TMEFF1: variants seen among roughly 807,000 people sequenced by gnomAD.
TMEFF1 encodes the protein transmembrane protein with EGF like and two follistatin like domains 1, also known as tomoregulin-1.
In TMEFF1, 20 loss-of-function variants were observed where a neutral mutation model predicts 47.5. That is an observed-to-expected ratio of 0.42 (90% confidence interval 0.30 to 0.61). The LOEUF is 0.61. Ranked by LOEUF, TMEFF1 falls within the 20% of genes least tolerant of loss-of-function variation. TMEFF1 has a pLI of 0.19. For missense variants in TMEFF1, 411 were observed against 471.1 expected (o/e 0.87, Z 1.18); for synonymous variants, 162 against 166.3 (o/e 0.97, Z 0.20).
At position 100,473,340 on chromosome 9, in the gene TMEFF1, G is replaced by A. The variant is rs564804329; in HGVS notation, c.-205G>A. The A allele has an allele frequency of 4.1e-6, 1 of 246,180 alleles. No homozygotes were observed. Among genetic ancestry groups the A allele is most frequent in the Non-Finnish European group, 7.3e-6 (1 of 136,934 alleles). 15.2% of individuals were successfully genotyped at this position (246,180 alleles called of 1,614,324 possible). A position where few individuals can be genotyped will look rare whatever the true frequency, so the allele number is the denominator to read the frequency against. On this transcript the variant is annotated 5_prime_UTR_variant, in exon 1 of 10. Transcript: ENST00000374879. The surrounding 1 kb of genome is among the most constrained non-coding windows in gnomAD (Gnocchi z 5.4). ...TTGCGCGCCCGCGACCCTCGCACGC[G>A]CCCGGACCCGCCGACTCCGTCCCGA... is the stretch of plus-strand genomic sequence containing the variant.
chr9:100,551,357 C>T (rs1213932027), intron 7 of TMEFF1, among the ~76,000 whole-genome samples: 1 of 152,160 alleles, frequency 6.6e-6, no homozygotes, highest in Non-Finnish European at 1.5e-5. Flanking sequence ...CATATGAAAC[C>T]TGAGTTAGTT....
At chr9:100,509,381 A>G (rs980790225) in intron 3 of TMEFF1, among the ~76,000 whole-genome samples, 6 of 152,138 alleles carry the variant, frequency 3.9e-5, no homozygotes, top group African/African-American at 1.4e-4. Context: ...ATAGGGACTT[A>G]CTTTCTTTGC....
intron 1 of TMEFF1, among the ~76,000 whole-genome samples, chr9:100,475,650 G>C (rs1250646473): frequency 6.6e-6 from 1 of 151,774 alleles, no homozygotes; most frequent in African/African-American, 2.4e-5. Context: ...CAAGTTTTAA[G>C]AAAGGAAATA....
Position 100,561,421 on chromosome 9 carries a change from T to C in TMEFF1, c.800T>C (p.Val267Ala), listed in dbSNP as rs374735824. ...GATGCTAGTGATCAAAGAGAAGATG[T>C]TTATATTGGAAACCACATGCCTTGC... ...VKDASDQREDVYIGNHMPCPE... is the reference protein window; with the variant it reads ...VKDASDQREDAYIGNHMPCPE... Residue 267 changes from valine to alanine, a missense_variant, in exon 8 of 10, where the codon GTT becomes GCT. Physicochemically the swap from Val to Ala is moderately conservative, Grantham distance 64 (BLOSUM62 0). Transcript: ENST00000374879. The C allele has an allele frequency of 5.0e-6, 8 of 1,613,250 alleles. No homozygotes were observed. The highest frequency in any genetic ancestry group is 6.8e-6 in the Non-Finnish European group (8 of 1,179,698).
chr9:100,497,062 T>A (rs940310185), intron 1 of TMEFF1, among the ~76,000 whole-genome samples: 2 of 152,086 alleles, frequency 1.3e-5, no homozygotes, highest in African/African-American at 4.8e-5. Flanking sequence ...CTTGTCCAAG[T>A]TCCTAGCAGA....
intron 3 of TMEFF1, among the ~76,000 whole-genome samples, chr9:100,512,919 T>A (rs1837994912): frequency 6.6e-6 from 1 of 152,122 alleles, no homozygotes; most frequent in Non-Finnish European, 1.5e-5. Context: ...GCCTTTCTAA[T>A]AAAAGCAGCT....
At chr9:100,494,716 A>G (rs1837619869) in intron 1 of TMEFF1, among the ~76,000 whole-genome samples, 1 of 152,178 alleles carries the variant, frequency 6.6e-6, no homozygotes, top group Admixed American at 6.5e-5. Context: ...TGTTTCCCTG[A>G]ACAAAATTGG....
At chr9:100,514,858 G>T (rs1300448442) in intron 4 of TMEFF1, among the ~76,000 whole-genome samples, 2 of 152,066 alleles carry the variant, frequency 1.3e-5, no homozygotes, top group Non-Finnish European at 1.5e-5. Flanking sequence ...AGCCAGGCGT[G>T]GTGGTGGGCG....
chr9:100,481,361 A>G (rs10989107), intron 1 of TMEFF1, among the ~76,000 whole-genome samples: 6,665 of 152,300 alleles, frequency 0.044, 324 homozygotes, highest in South Asian at 0.22. Flanking sequence ...TTATTTGTGG[A>G]ATAGATTAAT....
intron 7 of TMEFF1, among the ~76,000 whole-genome samples, chr9:100,552,934 T>G (rs1426491269): frequency 6.6e-6 from 1 of 151,838 alleles, no homozygotes; most frequent in Non-Finnish European, 1.5e-5. Flanking sequence ...GACTACCATA[T>G]GGGACAGCAC....
rs55736750 is a variant in TMEFF1, at chr9:100,526,955, CAAAAAAAA to C, written c.560+10203_560+10210del. On this transcript the variant is annotated intron_variant, in intron 5 of 9. Coordinates refer to ENST00000374879, the MANE Select transcript of TMEFF1 (RefSeq NM_003692.5). ...TGAAACCCTGTCTCTGCTAAAAATA[CAAAAAAAA>C]AAAAAAAAAAAAAAAAAAGGGAAAA... is the stretch of plus-strand genomic sequence containing the variant. Among the ~76,000 whole-genome samples the C allele has an allele frequency of 2.1e-4, 8 of 38,976 alleles. No homozygotes were observed. In the South Asian group the frequency reaches 0.016, roughly 78 times the overall value. 25.6% of individuals were successfully genotyped at this position (38,976 alleles called of 152,430 possible).
intron 8 of TMEFF1, among the ~76,000 whole-genome samples, chr9:100,566,974 T>C (rs34816846): frequency 0.25 from 38,067 of 152,070 alleles, 5,602 homozygotes; most frequent in African/African-American, 0.39. Context: ...TGGTCTCGAA[T>C]TCCTGACCTC....
intron 9 of TMEFF1, among the ~76,000 whole-genome samples, chr9:100,573,216 GC>G (rs1839281021): frequency 6.6e-6 from 1 of 152,056 alleles, no homozygotes; most frequent in South Asian, 2.1e-4. Context: ...GGGGTTCTGT[GC>G]CCTAAGAACG....
At chr9:100,492,038 A>T (rs975881811) in intron 1 of TMEFF1, among the ~76,000 whole-genome samples, 2 of 152,070 alleles carry the variant, frequency 1.3e-5, no homozygotes, top group African/African-American at 4.8e-5. Context: ...GGCTCGTGCC[A>T]CCACGCCCAG....
intron 7 of TMEFF1, among the ~76,000 whole-genome samples, chr9:100,555,996 T>C: frequency 6.6e-6 from 1 of 152,180 alleles, no homozygotes; most frequent in East Asian, 1.9e-4. Flanking sequence ...TAAGTGCTGC[T>C]CCTTCCCTTT....
At chr9:100,570,823 A>G (rs979786067) in intron 8 of TMEFF1, among the ~76,000 whole-genome samples, 2 of 152,042 alleles carry the variant, frequency 1.3e-5, no homozygotes, top group African/African-American at 4.8e-5. Context: ...AAGCTGCCTC[A>G]AATTCTTTTC....
intron 5 of TMEFF1, among the ~76,000 whole-genome samples, chr9:100,532,729 C>T (rs985933483): frequency 2.7e-4 from 41 of 151,958 alleles, no homozygotes; most frequent in African/African-American, 9.2e-4. Context: ...CCAGCCATCC[C>T]ATTACTGGGT....
intron 2 of TMEFF1, among the ~76,000 whole-genome samples, chr9:100,507,238 A>G (rs1837881275): frequency 6.6e-6 from 1 of 152,162 alleles, no homozygotes; most frequent in Admixed American, 6.5e-5. Flanking sequence ...TATATACCAC[A>G]TGTTCTTTAT....
chr9:100,508,584 A>G (rs1837906227), intron 2 of TMEFF1, among the ~76,000 whole-genome samples: 1 of 151,648 alleles, frequency 6.6e-6, no homozygotes, highest in Non-Finnish European at 1.5e-5. Context: ...TGTCTTCTGT[A>G]CCATTTACCT....
Sources: allele counts gnomAD v4.1 joint callset (sites outside exome capture counted in the v4.1 genomes callset), GRCh38; gene constraint gnomAD v4.1.1; non-coding constraint Gnocchi (gnomAD v3.1); transcripts MANE v1.5; gene names NCBI Gene and HGNC (gene_info 2026-07-23, HGNC 2026-07-21).